Variants in TOP1MT observed in about 807,000 individuals in gnomAD.
TOP1MT encodes the protein DNA topoisomerase I mitochondrial, also known as DNA topoisomerase I, mitochondrial.
Under a neutral mutation model 73.9 loss-of-function variants are expected in TOP1MT, and 80 were observed. The ratio of observed to expected loss-of-function variants is 1.08; its 90% CI spans 0.90 to 1.30. The LOEUF (loss-of-function observed/expected upper bound fraction) is 1.30, where lower values mean the gene tolerates loss of function less well. TOP1MT is among the 50% of genes most tolerant of loss of function. The pLI is 0.00. For synonymous variants in TOP1MT, 338 were observed against 326.4 expected (o/e 1.04, Z -0.38); for missense variants, 815 against 808.0 (o/e 1.01, Z -0.10).
At chr8:143,352,351 G>A (rs750926880) in intron 1 of TOP1MT, among the ~76,000 whole-genome samples, 18 of 152,158 alleles carry the variant, frequency 1.2e-4, no homozygotes, top group Non-Finnish European at 2.2e-4. Context: ...CGCAGAGACC[G>A]GTGGGTTCAC....
chr8:143,320,095 G>A (rs181357154), intron 8 of TOP1MT, among the ~76,000 whole-genome samples: 2 of 151,754 alleles, frequency 1.3e-5, no homozygotes, highest in Non-Finnish European at 2.9e-5. Flanking sequence ...CTGTACTCCA[G>A]CCTGAGCAAC....
chr8:143,334,305 A>G (rs74445975), intron 1 of TOP1MT: 6,317 of 155,808 alleles, frequency 0.041, 444 homozygotes, highest in African/African-American at 0.14. Context: ...TAGATATGAC[A>G]GTGAGCGCCC....
At chr8:143,340,359 A>T (rs930058386) in intron 2 of TOP1MT, among the ~76,000 whole-genome samples, 18 of 147,786 alleles carry the variant, frequency 1.2e-4, no homozygotes, top group African/African-American at 4.6e-4. Flanking sequence ...CCACCCCGTC[A>T]GGACATGGAG....
chr8:143,314,401 G>A (rs1816095183), intron 12 of TOP1MT, among the ~76,000 whole-genome samples: 1 of 152,070 alleles, frequency 6.6e-6, no homozygotes, highest in Admixed American at 6.6e-5. Context: ...AGTTTGACCA[G>A]CCTGGCCAAC....
chr8:143,314,037 C>T (rs1236216447), intron 12 of TOP1MT, among the ~76,000 whole-genome samples: 1 of 152,124 alleles, frequency 6.6e-6, no homozygotes, highest in Non-Finnish European at 1.5e-5. Context: ...GCACCCACGG[C>T]CAGACGCTCC....
chr8:143,323,291 C>CAG (rs1563761136), intron 7 of TOP1MT, among the ~76,000 whole-genome samples: 1 of 125,482 alleles, frequency 8.0e-6, no homozygotes, highest in Admixed American at 7.8e-5. Context: ...ACGCCACACA[C>CAG]GCACGCCACA....
chr8:143,333,276 C>T (rs146751452), intron 1 of TOP1MT, among the ~76,000 whole-genome samples: 3,042 of 152,166 alleles, frequency 0.02, 47 homozygotes, highest in South Asian at 0.052. Flanking sequence ...GCAAAACCCC[C>T]GTCTCTACTA....
chr8:143,328,424 C>T (rs1019713491), intron 3 of TOP1MT: 4 of 385,622 alleles, frequency 1.0e-5, no homozygotes, highest in Middle Eastern at 3.6e-4. Flanking sequence ...TGAAATGACA[C>T]GTCAGTACAC....
chr8:143,349,375 C>A (rs942292651), upstream of TOP1MT, among the ~76,000 whole-genome samples: 8 of 150,470 alleles, frequency 5.3e-5, no homozygotes, highest in African/African-American at 1.5e-4. Context: ...CCGGGTGTAC[C>A]TAATGGCTGT....
rs2977365 is a variant in TOP1MT at position 143,341,072 on chromosome 8, C to T, written c.29+2148G>A. On this transcript the variant is annotated intron_variant, in intron 2 of 5. Transcript: ENST00000518007. The surrounding 1 kb of genome is among the most constrained non-coding windows in gnomAD (Gnocchi z 4.1). ...GCGCGCTCCTCCCCAGCTCCCACGG[C>T]GGCCCCTGCACTCTTCCGCTCCCCA... 0.11 allele frequency among the ~76,000 whole-genome samples: 16,695 copies of T among 152,170 alleles called. 3,123 individuals are homozygous for T. Among genetic ancestry groups the T allele is most frequent in the African/African-American group, 0.38 (15,757 of 41,448 alleles).
intron 1 of TOP1MT, chr8:143,332,718 G>A (rs1816893478): frequency 6.1e-6 from 3 of 492,394 alleles, no homozygotes; most frequent in East Asian, 7.1e-5. Context: ...AAAGTAGGGA[G>A]AAGTTAACGG....
At chr8:143,346,953 CTTTATTTATTTATTTA>C (rs61391831), upstream of TOP1MT, among the ~76,000 whole-genome samples, 21 of 140,924 alleles carry the variant, frequency 1.5e-4, no homozygotes, top group East Asian at 6.2e-4. Context: ...AGCCTCACTT[CTTTATTTATTTATTTA>C]TTTATTTATT....
intron 8 of TOP1MT, among the ~76,000 whole-genome samples, chr8:143,318,326 G>A (rs1816234160): frequency 6.6e-6 from 1 of 152,192 alleles, no homozygotes. Flanking sequence ...CTCCTGCCCT[G>A]CAAACCCCCT....
intron 1 of TOP1MT, chr8:143,350,055 C>T (rs1217614010): frequency 6.6e-6 from 1 of 152,286 alleles, no homozygotes; most frequent in Non-Finnish European, 1.5e-5. Flanking sequence ...AGTGCCCACC[C>T]TCTTCTCTCC....
intron 12 of TOP1MT, among the ~76,000 whole-genome samples, chr8:143,314,461 G>A (rs1038954779): frequency 7.9e-5 from 12 of 152,012 alleles, no homozygotes; most frequent in African/African-American, 1.2e-4. Flanking sequence ...GGGCGTGGTG[G>A]CGCGCACCTG....
chr8:143,320,197 T>G (rs531330290), intron 8 of TOP1MT, among the ~76,000 whole-genome samples: 1 of 150,906 alleles, frequency 6.6e-6, no homozygotes, highest in Non-Finnish European at 1.5e-5. Context: ...GGTGCCATCT[T>G]GGCTCACTGC....
intron 7 of TOP1MT, among the ~76,000 whole-genome samples, chr8:143,321,994 GCACGCCACACA>G (rs1816427671): frequency 1.2e-4 from 4 of 33,518 alleles, no homozygotes; most frequent in African/African-American, 3.1e-4. Context: ...CCACACACAT[GCACGCCACACA>G]CATGCACGCC....
chr8:143,347,112 G>A (rs1171855122), upstream of TOP1MT, among the ~76,000 whole-genome samples: 1 of 151,862 alleles, frequency 6.6e-6, no homozygotes, highest in Non-Finnish European at 1.5e-5. Context: ...AGTCTCCCAA[G>A]CAGCTGGGAT....
intron 7 of TOP1MT, among the ~76,000 whole-genome samples, chr8:143,322,519 A>ACAGGCACGCCAC (rs1554620319): frequency 1.3e-5 from 1 of 76,018 alleles, no homozygotes; most frequent in Non-Finnish European, 2.4e-5. Context: ...CACGCCACAC[A>ACAGGCACGCCAC]ACAGGCACGC....
Sources: gnomAD v4.1 joint callset for allele counts (sites outside exome capture counted in the v4.1 genomes callset) on GRCh38, gnomAD v4.1.1 for gene constraint, Gnocchi (gnomAD v3.1) non-coding constraint, MANE v1.5 for transcripts, NCBI Gene and HGNC (gene_info 2026-07-23, HGNC 2026-07-21) for gene names.